The following CACNA2D3 variants were observed in gnomAD, a reference collection of about 807,000 sequenced individuals.
CACNA2D3 encodes voltage-dependent calcium channel subunit alpha-2/delta-3.
A neutral mutation model predicts 160.6 loss-of-function variants in CACNA2D3; 60 were observed. That is an observed-to-expected ratio of 0.37 (90% CI 0.30 to 0.46). The LOEUF (loss-of-function observed/expected upper bound fraction) is 0.46, where lower values mean the gene tolerates loss of function less well. CACNA2D3 is among the 20% of genes least tolerant of loss of function. The probability of loss-of-function intolerance (pLI) is 1.00; values close to 1 mark genes in which losing one functional copy is unlikely to be tolerated. For synonymous variants in CACNA2D3, 558 were observed against 492.9 expected (o/e 1.13, Z -1.75); for missense variants, 1,205 against 1,365.0 (o/e 0.88, Z 1.85).
At chr3:54,480,892 A>T (rs1700921985) in intron 4 of CACNA2D3, among the ~76,000 whole-genome samples, 1 of 152,214 alleles carries the variant, frequency 6.6e-6, no homozygotes, top group Non-Finnish European at 1.5e-5. Context: ...AAAGTTGAAG[A>T]TTCATCCAGA....
intron 11 of CACNA2D3, among the ~76,000 whole-genome samples, chr3:54,667,646 TAA>T (rs966378417): frequency 4.6e-5 from 7 of 152,102 alleles, no homozygotes; most frequent in African/African-American, 1.7e-4. Flanking sequence ...GACCAGATAT[TAA>T]AAGAGTCAAA....
chr3:54,625,871 G>A (rs958009310), intron 9 of CACNA2D3, among the ~76,000 whole-genome samples: 11 of 152,120 alleles, frequency 7.2e-5, no homozygotes, highest in Admixed American at 2.0e-4. Context: ...TTTTGATTCC[G>A]TGATCATTTT....
chr3:54,942,360 C>T (rs933750962), intron 27 of CACNA2D3, among the ~76,000 whole-genome samples: 2 of 152,186 alleles, frequency 1.3e-5, no homozygotes, highest in African/African-American at 4.8e-5. Context: ...GCCATCCCCT[C>T]CCACAGTGGC....
intron 2 of CACNA2D3, among the ~76,000 whole-genome samples, chr3:54,187,392 C>T (rs777949900): frequency 1.6e-4 from 25 of 152,128 alleles, no homozygotes; most frequent in Non-Finnish European, 2.9e-4. Context: ...AATTGAACAC[C>T]GCACTTGTGT....
At chr3:54,488,833 A>G (rs936010289) in intron 4 of CACNA2D3, among the ~76,000 whole-genome samples, 3 of 152,160 alleles carry the variant, frequency 2.0e-5, no homozygotes, top group Non-Finnish European at 4.4e-5. Context: ...TAAGTGTGCG[A>G]TGACCCCTGG....
intron 4 of CACNA2D3, among the ~76,000 whole-genome samples, chr3:54,417,930 G>T (rs945515341): frequency 6.6e-6 from 1 of 152,024 alleles, no homozygotes; most frequent in African/African-American, 2.4e-5. Context: ...GGGACTATAG[G>T]CATATGCCAC....
chr3:54,626,684 C>CA (rs71096430), intron 9 of CACNA2D3: 4,208 of 317,192 alleles, frequency 0.013, 110 homozygotes, highest in African/African-American at 0.016. Flanking sequence ...TGGTTCCAGT[C>CA]AAAAAAAAAA....
At chr3:54,962,666 A>G (rs554629139) in intron 27 of CACNA2D3, among the ~76,000 whole-genome samples, 6 of 152,286 alleles carry the variant, frequency 3.9e-5, no homozygotes, top group South Asian at 2.1e-4. Context: ...CGGGTTTGCA[A>G]TCAGTTCTCG....
chr3:54,871,225 C>CACACACA (rs1559611440), intron 17 of CACNA2D3, among the ~76,000 whole-genome samples: 3 of 131,796 alleles, frequency 2.3e-5, no homozygotes, highest in African/African-American at 9.5e-5. Context: ...ACACACACAC[C>CACACACA]CCCCATTCAA....
intron 3 of CACNA2D3, among the ~76,000 whole-genome samples, chr3:54,323,468 CT>C (rs11414571): frequency 6.1e-4 from 84 of 138,474 alleles, no homozygotes; most frequent in Admixed American, 6.5e-4. Flanking sequence ...TTTTTCTTTT[CT>C]TTTTTTTTTT....
At chr3:54,148,552 T>C (rs1045987194) in intron 2 of CACNA2D3, among the ~76,000 whole-genome samples, 1 of 151,814 alleles carries the variant, frequency 6.6e-6, no homozygotes, top group Non-Finnish European at 1.5e-5. Flanking sequence ...CTCATATAGG[T>C]GAAGCGAAAA....
At chr3:54,918,165 T>A in intron 27 of CACNA2D3, 1 of 290,110 alleles carries the variant, frequency 3.4e-6, no homozygotes, top group Middle Eastern at 1.1e-3. Context: ...CTGGAAGAGA[T>A]GGCATCTTCC....
intron 2 of CACNA2D3, among the ~76,000 whole-genome samples, chr3:54,231,856 AG>A (rs1428169993): frequency 1.6e-5 from 2 of 127,632 alleles, no homozygotes; most frequent in South Asian, 2.8e-4. Flanking sequence ...GGTGAATGGA[AG>A]GGGGGTGGTC....
chr3:55,067,261 G>A (rs1043241512), intron 35 of CACNA2D3, among the ~76,000 whole-genome samples: 10 of 152,148 alleles, frequency 6.6e-5, no homozygotes, highest in Admixed American at 2.6e-4. Flanking sequence ...CTCTGGGTCT[G>A]TCCTCAAGGA....
At chr3:54,924,562 A>T in intron 27 of CACNA2D3, 1 of 1,363,488 alleles carries the variant, frequency 7.3e-7, no homozygotes. Flanking sequence ...AGAACAGATG[A>T]GATTCATCCT....
At chr3:54,737,917 C>T (rs938038701) in intron 11 of CACNA2D3, among the ~76,000 whole-genome samples, 4 of 152,290 alleles carry the variant, frequency 2.6e-5, no homozygotes, top group Non-Finnish European at 4.4e-5. Flanking sequence ...CCACCTGTCT[C>T]GGCCTCCCAA....
chr3:54,728,192 T>A (rs532176133), intron 11 of CACNA2D3, among the ~76,000 whole-genome samples: 2 of 151,878 alleles, frequency 1.3e-5, no homozygotes, highest in East Asian at 3.9e-4. Flanking sequence ...ATTCTTTTTT[T>A]AAATTCTTTA....
At chr3:54,859,214 T>C (rs1332883220) in intron 17 of CACNA2D3, among the ~76,000 whole-genome samples, 4 of 152,202 alleles carry the variant, frequency 2.6e-5, no homozygotes, top group Admixed American at 6.5e-5. Flanking sequence ...TCCTAAATGA[T>C]AAGACCCAAA....
intron 35 of CACNA2D3, among the ~76,000 whole-genome samples, chr3:55,048,512 G>T (rs1183131759): frequency 1.9e-4 from 21 of 107,864 alleles, no homozygotes; most frequent in African/African-American, 7.2e-4. Context: ...GCCAGTATTT[G>T]ATTGAGGATT....
Sources: allele counts gnomAD v4.1 joint callset (sites outside exome capture counted in the v4.1 genomes callset), GRCh38; gene constraint gnomAD v4.1.1; transcripts MANE v1.5; gene names NCBI Gene and HGNC (gene_info 2026-07-23, HGNC 2026-07-21).